Variants in SLC44A2 observed in about 807,000 individuals in gnomAD.
SLC44A2 encodes the protein solute carrier family 44 member 2 (CTL2 blood group), also known as choline transporter-like protein 2.
A neutral mutation model predicts 90.8 loss-of-function variants in SLC44A2; 57 were observed. The observed-to-expected ratio is 0.63, with a 90% CI of 0.51 to 0.78. The LOEUF (loss-of-function observed/expected upper bound fraction) is 0.78, where lower values mean the gene tolerates loss of function less well. Among genes scored for constraint, SLC44A2 ranks in the 30% least tolerant of loss-of-function variants. The pLI is 0.00. For missense variants in SLC44A2, 794 were observed against 919.7 expected (o/e 0.86, Z 1.77); for synonymous variants, 355 against 360.7 (o/e 0.98, Z 0.18).
chr19:10,626,773 G>T (rs2066938778), intron 2 of SLC44A2, among the ~76,000 whole-genome samples: 1 of 150,084 alleles, frequency 6.7e-6, no homozygotes, highest in South Asian at 2.1e-4. Context: ...ATTTATTTTT[G>T]AGATGGAGTC....
chr19:10,619,034 A>C (rs1453684187), intron 1 of SLC44A2, among the ~76,000 whole-genome samples: 1 of 140,966 alleles, frequency 7.1e-6, no homozygotes, highest in East Asian at 2.1e-4. Flanking sequence ...GCGCAATCAC[A>C]GCTCCCTGAA....
intron 1 of SLC44A2, among the ~76,000 whole-genome samples, chr19:10,618,981 T>TTTTTTG (rs1491552904): frequency 1.1e-5 from 1 of 89,436 alleles, no homozygotes; most frequent in Non-Finnish European, 2.5e-5. Flanking sequence ...TTTTTTTTTT[T>TTTTTTG]GGATACAGGG....
intron 1 of SLC44A2, among the ~76,000 whole-genome samples, chr19:10,610,135 G>C (rs1599569191): frequency 6.6e-6 from 1 of 151,592 alleles, no homozygotes; most frequent in Non-Finnish European, 1.5e-5. Flanking sequence ...TTGTTGGGTG[G>C]TGGCCTGTTT....
intron 10 of SLC44A2, among the ~76,000 whole-genome samples, chr19:10,632,548 A>G (rs1263738188): frequency 6.6e-6 from 1 of 152,070 alleles, no homozygotes; most frequent in Middle Eastern, 3.4e-3. Context: ...AAAAAAAAAA[A>G]AAAAGAAAAA....
intron 1 of SLC44A2, among the ~76,000 whole-genome samples, chr19:10,614,821 A>G (rs1193018339): frequency 1.3e-5 from 2 of 151,744 alleles, no homozygotes; most frequent in African/African-American, 2.4e-5. Context: ...AAATACAAAA[A>G]TTAGCCGGAC....
chr19:10,626,464 G>C (rs780754599), intron 2 of SLC44A2, among the ~76,000 whole-genome samples, 163 bp downstream of exon 2: 1 of 150,440 alleles, frequency 6.6e-6, no homozygotes, highest in East Asian at 1.9e-4. Flanking sequence ...CTGGAGTGCC[G>C]TGGCGCGATC....
At chr19:10,627,699 A>G in intron 2 of SLC44A2, 23 bp from the exon 3 acceptor site, 1 of 1,612,236 alleles carries the variant, frequency 6.2e-7, no homozygotes, top group Non-Finnish European at 8.5e-7. Flanking sequence ...GCCTCCTCCA[A>G]ACACTGCCCC....
At chr19:10,634,137 A>AT (rs1177075276) in intron 10 of SLC44A2, among the ~76,000 whole-genome samples, 3,353 of 80,360 alleles carry the variant, frequency 0.042, 118 homozygotes, top group African/African-American at 0.074. Flanking sequence ...CGCCCAGCTA[A>AT]TTTTTTTTTT....
At chr19:10,626,193 CCCAGCCCTGTCTTGGTTCAGGTCT>C in intron 1 of SLC44A2, 36 bp from the exon 2 acceptor site, 1 of 1,389,196 alleles carries the variant, frequency 7.2e-7, no homozygotes. Context: ...AGGGGGCTCT[CCCAGCCCTGTCTTGGTTCAGGTCT>C]CCAATCCCAT....
rs766587846 is a variant in SLC44A2, at chr19:10,642,408, C to T, written c.1971C>T (p.Phe657=). The T allele has an allele frequency of 3.1e-6, 5 of 1,614,076 alleles. No homozygotes were observed. The Admixed American group carries it at 5.0e-5, about 16-fold the overall frequency. ...VGSYLIAHGF[F]SVYGMCVDTL... is the part of the protein sequence containing the mutation. ...CCTACTTGATTGCACACGGTTTCTT[C>T]AGCGTCTATGGCATGTGTGTGGACA... Residue 657 remains phenylalanine, a synonymous_variant, in exon 21 of 22, where the codon TTC becomes TTT. Transcript: ENST00000335757.
At chr19:10,625,297 C>A, upstream of SLC44A2, 1 of 346,992 alleles carries the variant, frequency 2.9e-6, no homozygotes. Context: ...ACGGAAACGC[C>A]CTTTCAGGGT....
chr19:10,629,481 T>G (rs2066970600), intron 4 of SLC44A2, among the ~76,000 whole-genome samples: 1 of 151,436 alleles, frequency 6.6e-6, no homozygotes, highest in Non-Finnish European at 1.5e-5. Flanking sequence ...TTTCATCATA[T>G]TGGTCAGGCT....
At chr19:10,612,992 G>A (rs952535951) in intron 1 of SLC44A2, among the ~76,000 whole-genome samples, 13 of 152,186 alleles carry the variant, frequency 8.5e-5, no homozygotes, top group Non-Finnish European at 1.2e-4. Context: ...CAGTGTGCCC[G>A]TCGTGAAATG....
chr19:10,632,184 C>G (rs754086917), intron 10 of SLC44A2, 28 bp downstream of exon 10: 1 of 1,580,516 alleles, frequency 6.3e-7, no homozygotes, highest in African/African-American at 1.3e-5. Flanking sequence ...TGTGGCTTCT[C>G]TTTCCTGAAT....
chr19:10,639,313 T>A (rs2067091710), intron 20 of SLC44A2, among the ~76,000 whole-genome samples: 1 of 152,142 alleles, frequency 6.6e-6, no homozygotes, highest in Admixed American at 6.5e-5. Flanking sequence ...CCTTAGAGTT[T>A]GGGGGTAAAC....
At chr19:10,623,941 G>T (rs2066910036), upstream of SLC44A2, among the ~76,000 whole-genome samples, 1 of 151,692 alleles carries the variant, frequency 6.6e-6, no homozygotes, top group Non-Finnish European at 1.5e-5. Context: ...TGCCCGCCTC[G>T]GCCTCCCACA....
At position 10,636,691 on chromosome 19, in the gene SLC44A2, C is replaced by G. The variant is rs760459876; in HGVS notation, c.1526C>G (p.Ala509Gly). The G allele has an allele frequency of 6.2e-7, 1 of 1,613,752 alleles. No homozygotes were observed. The highest frequency in any genetic ancestry group is 2.2e-5 in the East Asian group (1 of 44,866). The change falls in exon 16 of 22, where the codon GCG becomes GGG. Residue 509 changes from alanine to glycine, a missense_variant. This residue lies in a region of SLC44A2 where 738 missense variants were observed against 841.1 expected (regional missense o/e 0.88). Transcript: ENST00000335757. ...RYHTGSLAFG[A>G]LILAIVQIIR... ...CACACAGGCTCCCTGGCCTTTGGCGCGCTCATCCTGGCCATTGTGCAGATC... is the reference window on the plus strand; with the variant it reads ...CACACAGGCTCCCTGGCCTTTGGCGGGCTCATCCTGGCCATTGTGCAGATC...
chr19:10,638,824 A>C (rs1057403877), intron 20 of SLC44A2, among the ~76,000 whole-genome samples: 6 of 126,152 alleles, frequency 4.8e-5, no homozygotes, highest in African/African-American at 1.2e-4. Flanking sequence ...TTTGAGATGG[A>C]GTTTCACTCT....
intron 4 of SLC44A2, 91 bp downstream of exon 4, chr19:10,628,095 T>A: frequency 8.2e-7 from 1 of 1,220,472 alleles, no homozygotes; most frequent in Non-Finnish European, 1.2e-6. Flanking sequence ...AGTTAACAAG[T>A]GCTTATAGGC....
Sources: allele counts gnomAD v4.1 joint callset (sites outside exome capture counted in the v4.1 genomes callset), GRCh38; gene constraint gnomAD v4.1.1; regional missense constraint gnomAD v4.1.1; transcripts MANE v1.5; gene names NCBI Gene and HGNC (gene_info 2026-07-23, HGNC 2026-07-21).